Variants in SEC14L5 observed in about 807,000 individuals in gnomAD.
SEC14L5 encodes SEC14-like protein 5.
In SEC14L5, 96 loss-of-function variants were observed where a neutral mutation model predicts 84.6. The ratio of observed to expected loss-of-function variants is 1.13; its 90% CI spans 0.96 to 1.34. The LOEUF (loss-of-function observed/expected upper bound fraction) is 1.34. Ranked by LOEUF, SEC14L5 falls within the 40% of genes most tolerant of loss-of-function variation. SEC14L5 has a pLI of 0.00. For synonymous variants in SEC14L5, 546 were observed against 383.4 expected (o/e 1.42, Z -4.95); for missense variants, 1,224 against 942.5 (o/e 1.30, Z -3.91).
intron 15 of SEC14L5, among the ~76,000 whole-genome samples, chr16:5,013,306 G>T (rs543544971): frequency 6.6e-6 from 1 of 152,312 alleles, no homozygotes; most frequent in African/African-American, 2.4e-5. Context: ...TTGGGAGAGA[G>T]GGTGGGGGAA....
chr16:4,994,607 G>C (rs947165093), intron 6 of SEC14L5, among the ~76,000 whole-genome samples: 1 of 152,116 alleles, frequency 6.6e-6, no homozygotes, highest in African/African-American at 2.4e-5. Flanking sequence ...GTCTCCCAAA[G>C]TGCTGAAATT....
intron 2 of SEC14L5, among the ~76,000 whole-genome samples, chr16:4,965,088 T>G (rs1311151780): frequency 6.6e-6 from 1 of 152,188 alleles, no homozygotes; most frequent in Non-Finnish European, 1.5e-5. Flanking sequence ...CATAAAAAGC[T>G]ATATGTCTTT....
chr16:5,000,772 C>T (rs375677779), intron 9 of SEC14L5, 29 bp downstream of exon 9: 297 of 1,555,106 alleles, frequency 1.9e-4, no homozygotes, highest in Non-Finnish European at 2.3e-4. Flanking sequence ...TCCTGGACGC[C>T]GTGCCTGGGG....
chr16:4,962,900 C>T (rs547327424), intron 2 of SEC14L5, among the ~76,000 whole-genome samples: 137 of 152,268 alleles, frequency 9.0e-4, no homozygotes, highest in African/African-American at 2.7e-3. Context: ...CATAACTCAA[C>T]GTAACTTGCA....
rs748965438 is a variant in SEC14L5 at position 4,991,899 on chromosome 16, C to T, written c.536C>T (p.Pro179Leu). ...ATCTCCCAGGGTACCTCGCACATTC[C>T]GCGCTGGACGCCTGCCCCAGTCCGT... ...ELISQGTSHI[P>L]RWTPAPVREE... The change falls in exon 6 of 16, where the codon CCG (proline) becomes CTG (leucine). Residue 179 changes from proline (P) to leucine (L), a missense_variant. Transcript: ENST00000251170. 2.0e-5 allele frequency: 32 copies of T among 1,608,726 alleles called. No individual in the cohort carries two copies. The highest frequency in any genetic ancestry group is 5.3e-5 in the African/African-American group (4 of 74,896).
intron 2 of SEC14L5, among the ~76,000 whole-genome samples, chr16:4,973,212 C>G (rs1955300329): frequency 2.0e-5 from 3 of 152,242 alleles, no homozygotes; most frequent in African/African-American, 7.2e-5. Context: ...GTGTCTCTGC[C>G]CCTCCCCCAC....
intron 13 of SEC14L5, 102 bp downstream of exon 13, chr16:5,007,588 T>A: frequency 1.1e-6 from 1 of 917,956 alleles, no homozygotes; most frequent in Non-Finnish European, 1.6e-6. Context: ...CTTTTTTCTT[T>A]TCTTTCTTTC....
intron 6 of SEC14L5, among the ~76,000 whole-genome samples, chr16:4,992,337 GC>G (rs1227578910): frequency 6.6e-6 from 1 of 151,970 alleles, no homozygotes; most frequent in Non-Finnish European, 1.5e-5. Context: ...TGCAACCTCC[GC>G]CCCCCGGGTT....
intron 14 of SEC14L5, among the ~76,000 whole-genome samples, chr16:5,009,562 G>A (rs894722394): frequency 4.6e-5 from 7 of 152,208 alleles, no homozygotes; most frequent in South Asian, 4.1e-4. Flanking sequence ...GAGCTCAAGC[G>A]ATCCTCCTGC....
chr16:4,981,096 G>T (rs1443060842), intron 2 of SEC14L5, among the ~76,000 whole-genome samples: 5 of 152,000 alleles, frequency 3.3e-5, no homozygotes, highest in African/African-American at 1.2e-4. Flanking sequence ...TTTATTCTCG[G>T]CATCAAGGCC....
intron 10 of SEC14L5, among the ~76,000 whole-genome samples, chr16:5,002,738 C>A (rs1471976460): frequency 6.6e-6 from 1 of 152,174 alleles, no homozygotes; most frequent in East Asian, 1.9e-4. Flanking sequence ...TGAATGAATA[C>A]TAATGAAATG....
At chr16:4,998,762 A>T (rs866199371) in intron 8 of SEC14L5, among the ~76,000 whole-genome samples, 1,901 of 144,460 alleles carry the variant, frequency 0.013, 20 homozygotes, top group Non-Finnish European at 0.021. Flanking sequence ...AAAAAAAAAA[A>T]AAAATAAACG....
At chr16:4,996,068 T>C (rs1464708662) in intron 6 of SEC14L5, among the ~76,000 whole-genome samples, 2 of 152,054 alleles carry the variant, frequency 1.3e-5, no homozygotes, top group Non-Finnish European at 2.9e-5. Context: ...CCCCAGAGGG[T>C]GGGAATTATC....
intron 15 of SEC14L5, 30 bp from the exon 16 acceptor site, chr16:5,014,829 G>A (rs769544980): frequency 1.3e-6 from 2 of 1,549,268 alleles, no homozygotes; most frequent in East Asian, 2.2e-5. Flanking sequence ...ACTGTGAGAG[G>A]GTAACGTGTG....
Position 4,970,453 on chromosome 16 carries a change from G to A in SEC14L5, c.63+11067G>A, listed in dbSNP as rs965971691. On this transcript the variant is annotated intron_variant, in intron 2 of 15. Transcript: ENST00000251170. ...TGGCTGGCAGCGTCATCAGGGGCCAGGAAGCAGAGACGTTGGAGGTCTGGA... is the reference window on the plus strand; with the variant it reads ...TGGCTGGCAGCGTCATCAGGGGCCAAGAAGCAGAGACGTTGGAGGTCTGGA... 2.0e-5 allele frequency among the ~76,000 whole-genome samples: 3 copies of A among 152,342 alleles called. No individual in the cohort carries two copies. The South Asian group carries it at 6.2e-4, about 32-fold the overall frequency.
At chr16:5,008,869 C>G (rs1394728139) in intron 14 of SEC14L5, among the ~76,000 whole-genome samples, 5 of 152,212 alleles carry the variant, frequency 3.3e-5, no homozygotes, top group Admixed American at 2.0e-4. Context: ...ACGGGGTGCT[C>G]TGCTGAGAGG....
At chr16:5,010,504 A>G (rs1266010274) in intron 14 of SEC14L5, among the ~76,000 whole-genome samples, 1 of 152,154 alleles carries the variant, frequency 6.6e-6, no homozygotes, top group East Asian at 1.9e-4. Flanking sequence ...GAAATGACAC[A>G]TGCACACACG....
At chr16:4,966,264 C>A (rs1008672874) in intron 2 of SEC14L5, among the ~76,000 whole-genome samples, 9 of 142,410 alleles carry the variant, frequency 6.3e-5, no homozygotes, top group Non-Finnish European at 7.6e-5. Context: ...CCGCGCCCGG[C>A]CTCTTTTTTT....
intron 2 of SEC14L5, among the ~76,000 whole-genome samples, chr16:4,985,384 C>T (rs1253193039): frequency 1.3e-5 from 2 of 152,068 alleles, no homozygotes; most frequent in African/African-American, 4.8e-5. Context: ...TGCTACTATG[C>T]CCAGCTAATT....
Sources: gnomAD v4.1 joint callset for allele counts (sites outside exome capture counted in the v4.1 genomes callset) on GRCh38, gnomAD v4.1.1 for gene constraint, MANE v1.5 for transcripts, NCBI Gene and HGNC (gene_info 2026-07-23, HGNC 2026-07-21) for gene names.